The following ST6GAL1 variants were observed in gnomAD, a reference collection of about 807,000 sequenced individuals.
The protein encoded by ST6GAL1 is ST6 beta-galactoside alpha-2,6-sialyltransferase 1, also known as beta-galactoside alpha-2,6-sialyltransferase 1.
A neutral mutation model predicts 38.0 loss-of-function variants in ST6GAL1; 20 were observed. The ratio of observed to expected loss-of-function variants is 0.53; its 90% CI spans 0.37 to 0.77. ST6GAL1 has a LOEUF of 0.77. Ranked by LOEUF, ST6GAL1 falls within the 30% of genes least tolerant of loss-of-function variation. ST6GAL1 has a pLI of 0.00. For synonymous variants in ST6GAL1, 196 were observed against 188.2 expected, an observed-to-expected ratio of 1.04 and a Z score of -0.34; for missense variants, 432 against 496.4, an observed-to-expected ratio of 0.87 and a Z score of 1.23.
At chr3:186,998,993 T>C (rs773629519) in intron 2 of ST6GAL1, among the ~76,000 whole-genome samples, 41 of 152,238 alleles carry the variant, frequency 2.7e-4, no homozygotes, top group Admixed American at 1.2e-3. Flanking sequence ...GCAACAGAAC[T>C]GGATCCTGGC....
At chr3:186,934,141 C>G (rs1713856144) in intron 1 of ST6GAL1, among the ~76,000 whole-genome samples, 1 of 152,232 alleles carries the variant, frequency 6.6e-6, no homozygotes, top group African/African-American at 2.4e-5. Context: ...AGTGAGGGTT[C>G]TCCTTGCCCA....
At chr3:186,938,789 C>T (rs529272466) in intron 1 of ST6GAL1, among the ~76,000 whole-genome samples, 9 of 151,874 alleles carry the variant, frequency 5.9e-5, no homozygotes, top group African/African-American at 9.7e-5. Context: ...ATGACTGAAA[C>T]GCATGGCTGA....
At chr3:186,965,591 AG>A (rs1229643877) in intron 2 of ST6GAL1, among the ~76,000 whole-genome samples, 1 of 152,212 alleles carries the variant, frequency 6.6e-6, no homozygotes, top group Non-Finnish European at 1.5e-5. Flanking sequence ...CCTCATTTTA[AG>A]AACCTCAGGC....
chr3:186,936,121 G>T (rs1021559758), intron 1 of ST6GAL1, among the ~76,000 whole-genome samples: 1 of 152,112 alleles, frequency 6.6e-6, no homozygotes, highest in Non-Finnish European at 1.5e-5. Flanking sequence ...CTTAGAAATT[G>T]CCCTCAGGAG....
chr3:187,051,196 T>C, intron 4 of ST6GAL1, 53 bp from the exon 5 acceptor site: 2 of 1,511,254 alleles, frequency 1.3e-6, no homozygotes, highest in East Asian at 4.5e-5. Context: ...TTTCTCTTTT[T>C]CTGCATATTG....
chr3:187,025,013 G>GTCTGTGTGTCTGTGTGTC (rs1717480787), intron 2 of ST6GAL1, among the ~76,000 whole-genome samples: 1 of 151,280 alleles, frequency 6.6e-6, no homozygotes, highest in African/African-American at 2.4e-5. Context: ...GTGTGTGTGT[G>GTCTGTGTGTCTGTGTGTC]TGTGTGTCTG....
intron 2 of ST6GAL1, among the ~76,000 whole-genome samples, chr3:187,002,390 A>G (rs1318042265): frequency 2.0e-5 from 3 of 152,244 alleles, no homozygotes; most frequent in Non-Finnish European, 4.4e-5. Flanking sequence ...TAGGAAATGC[A>G]AAGAAATGAC....
At chr3:186,974,728 G>T (rs939959182) in intron 2 of ST6GAL1, among the ~76,000 whole-genome samples, 1 of 126,112 alleles carries the variant, frequency 7.9e-6, no homozygotes, top group Non-Finnish European at 1.7e-5. Context: ...AGCCTGGTTG[G>T]GGGGGGGGCG....
intron 5 of ST6GAL1, among the ~76,000 whole-genome samples, chr3:187,069,421 C>G (rs1319928491): frequency 6.6e-6 from 1 of 152,206 alleles, no homozygotes; most frequent in Non-Finnish European, 1.5e-5. Context: ...CACCTTACTC[C>G]CACAGGCATA....
chr3:187,002,721 G>A (rs562324232), intron 2 of ST6GAL1, among the ~76,000 whole-genome samples: 1 of 152,088 alleles, frequency 6.6e-6, no homozygotes, highest in African/African-American at 2.4e-5. Flanking sequence ...CAGCAGAAAG[G>A]GTTCTGAAAT....
At chr3:186,959,246 G>A (rs1714851526) in intron 1 of ST6GAL1, among the ~76,000 whole-genome samples, 2 of 152,152 alleles carry the variant, frequency 1.3e-5, no homozygotes, top group Non-Finnish European at 2.9e-5. Flanking sequence ...TACTCAGTGT[G>A]CAACTCATAC....
intron 2 of ST6GAL1, among the ~76,000 whole-genome samples, chr3:187,004,707 A>G (rs1279333524): frequency 6.6e-6 from 1 of 152,260 alleles, no homozygotes; most frequent in African/African-American, 2.4e-5. Context: ...GTCATATGTG[A>G]CATCCCAGAG....
Position 186,975,313 on chromosome 3 carries a change from T to C in ST6GAL1, c.-183+11387T>C, listed in dbSNP as rs149296826. On this transcript the variant is annotated intron_variant, in intron 2 of 7. Coordinates refer to ENST00000169298, the MANE Select transcript of ST6GAL1 (RefSeq NM_173216.2). Reference sequence around the variant, plus strand: ...CAATTTCAGTGTCTGAGGAGGAGCTTAATGATTCAGAGCTGGACTTCAGGA... The same window carrying C: ...CAATTTCAGTGTCTGAGGAGGAGCTCAATGATTCAGAGCTGGACTTCAGGA... 2.4e-3 allele frequency among the ~76,000 whole-genome samples: 359 copies of C among 152,276 alleles called. 1 individual carries two copies. The highest frequency in any genetic ancestry group is 3.6e-3 in the Non-Finnish European group (242 of 68,016).
At chr3:187,054,392 A>C (rs1297094538) in intron 5 of ST6GAL1, among the ~76,000 whole-genome samples, 2 of 152,178 alleles carry the variant, frequency 1.3e-5, no homozygotes, top group East Asian at 3.8e-4. Flanking sequence ...TTCAAAGGGA[A>C]TGCTTCAGTT....
At chr3:187,024,717 A>G (rs1288735830) in intron 2 of ST6GAL1, 1 of 151,966 alleles carries the variant, frequency 6.6e-6, no homozygotes, top group Non-Finnish European at 1.5e-5. Context: ...AAATGACTTC[A>G]TTTTTTCAAC....
chr3:187,042,458 T>C (rs1479523470), intron 3 of ST6GAL1, among the ~76,000 whole-genome samples, 196 bp from the exon 4 acceptor site: 1 of 152,130 alleles, frequency 6.6e-6, no homozygotes, highest in East Asian at 1.9e-4. Context: ...GGGACTGCTG[T>C]CCACGTTCAA....
At chr3:186,954,351 A>T (rs1714678668) in intron 1 of ST6GAL1, among the ~76,000 whole-genome samples, 1 of 152,138 alleles carries the variant, frequency 6.6e-6, no homozygotes, top group Admixed American at 6.5e-5. Flanking sequence ...ATACTCAGTA[A>T]TGGGATTGCT....
chr3:187,013,461 ATTAG>A (rs1487256834), intron 2 of ST6GAL1, among the ~76,000 whole-genome samples: 2 of 152,168 alleles, frequency 1.3e-5, no homozygotes, highest in Non-Finnish European at 2.9e-5. Flanking sequence ...GGCTTTTTCT[ATTAG>A]TTCAGTCTTC....
chr3:187,061,411 G>A (rs180982091), intron 5 of ST6GAL1, among the ~76,000 whole-genome samples: 83 of 152,174 alleles, frequency 5.5e-4, no homozygotes, highest in South Asian at 1.9e-3. Context: ...AAGGGACCCC[G>A]ATTAACCAAA....
Sources: gnomAD v4.1 joint callset for allele counts (sites outside exome capture counted in the v4.1 genomes callset) on GRCh38, gnomAD v4.1.1 for gene constraint, MANE v1.5 for transcripts, NCBI Gene and HGNC (gene_info 2026-07-23, HGNC 2026-07-21) for gene names.